Variants in ACTR3C observed in about 807,000 individuals in gnomAD.
ACTR3C encodes actin related protein 3C, also known as actin-related protein 3C.
Under a neutral mutation model 26.3 loss-of-function variants are expected in ACTR3C, and 18 were observed. The ratio of observed to expected loss-of-function variants is 0.68; its 90% confidence interval spans 0.47 to 1.01. The LOEUF is 1.01. ACTR3C is among the 50% of genes least tolerant of loss of function. The pLI is 0.00. For synonymous variants in ACTR3C, 55 were observed against 94.5 expected (o/e 0.58, Z 2.42); for missense variants, 184 against 250.7 (o/e 0.73, Z 1.80).
the ACTR3C span, among the ~76,000 whole-genome samples, chr7:149,956,378 G>A: frequency 6.6e-6 from 1 of 152,022 alleles, no homozygotes; most frequent in Non-Finnish European, 1.5e-5. Flanking sequence ...GCAACATAGT[G>A]AGACCTCATC....
At chr7:150,096,185 C>T in the ACTR3C span, among the ~76,000 whole-genome samples, 4 of 149,772 alleles carry the variant, frequency 2.7e-5, no homozygotes, top group Admixed American at 1.3e-4. Flanking sequence ...CCCTTTCCTT[C>T]ATCGAGAGTT....
chr7:149,896,779 G>A, the ACTR3C span, among the ~76,000 whole-genome samples: 5 of 151,828 alleles, frequency 3.3e-5, no homozygotes, highest in Non-Finnish European at 7.4e-5. Context: ...AGCTGCTAAG[G>A]CTGGGCGCGG....
At chr7:150,226,043 C>A in the ACTR3C span, among the ~76,000 whole-genome samples, 1 of 152,200 alleles carries the variant, frequency 6.6e-6, no homozygotes, top group African/African-American at 2.4e-5. Flanking sequence ...CCTTTTATTA[C>A]TAAATAGTAT....
At chr7:150,069,654 G>T in the ACTR3C span, among the ~76,000 whole-genome samples, 2 of 152,132 alleles carry the variant, frequency 1.3e-5, no homozygotes, top group Non-Finnish European at 2.9e-5. Flanking sequence ...GGTGGGCTGA[G>T]CTAGTAACCA....
At chr7:150,048,331 C>T in the ACTR3C span, among the ~76,000 whole-genome samples, 1 of 152,130 alleles carries the variant, frequency 6.6e-6, no homozygotes, top group Admixed American at 6.5e-5. Context: ...CCGGCCCCTC[C>T]GCCCCCTTCC....
At chr7:149,966,233 C>A in the ACTR3C span, among the ~76,000 whole-genome samples, 1 of 152,186 alleles carries the variant, frequency 6.6e-6, no homozygotes, top group African/African-American at 2.4e-5. Context: ...GTGGACCGCA[C>A]TGGAGAAACA....
chr7:149,925,013 C>T, the ACTR3C span, among the ~76,000 whole-genome samples: 5 of 151,864 alleles, frequency 3.3e-5, no homozygotes, highest in South Asian at 4.2e-4. Flanking sequence ...TAAAGCAGCA[C>T]GTTATAAAAT....
At chr7:150,006,252 A>T in the ACTR3C span, among the ~76,000 whole-genome samples, 35 of 134,120 alleles carry the variant, frequency 2.6e-4, no homozygotes, top group African/African-American at 8.5e-4. Context: ...GCTGGAGTGC[A>T]GTGGCGCAAT....
At chr7:150,076,126 C>T in the ACTR3C span, among the ~76,000 whole-genome samples, 1 of 151,792 alleles carries the variant, frequency 6.6e-6, no homozygotes, top group East Asian at 1.9e-4. Flanking sequence ...CAAAGGCATC[C>T]CTTGAAACCT....
chr7:149,897,243 G>T, the ACTR3C span, among the ~76,000 whole-genome samples: 134,458 of 152,086 alleles, frequency 0.88, 60,036 homozygotes, highest in East Asian at 1. Context: ...GACTTTTGCT[G>T]CTTCTACTGG....
the ACTR3C span, among the ~76,000 whole-genome samples, chr7:150,212,269 G>C: frequency 4.7e-5 from 7 of 147,842 alleles, no homozygotes; most frequent in Admixed American, 4.6e-4. Context: ...TTGAGGTATA[G>C]CTTTTGACTT....
At chr7:150,219,285 G>A in the ACTR3C span, among the ~76,000 whole-genome samples, 1 of 144,288 alleles carries the variant, frequency 6.9e-6, no homozygotes, top group Non-Finnish European at 1.5e-5. Flanking sequence ...CTTACATAAA[G>A]TGTACACACA....
the ACTR3C span, among the ~76,000 whole-genome samples, chr7:150,196,323 A>G: frequency 6.6e-6 from 1 of 152,148 alleles, no homozygotes; most frequent in East Asian, 1.9e-4. Flanking sequence ...TATCTGGTTC[A>G]TTTTGTAAAA....
chr7:149,980,076 T>G, the ACTR3C span, among the ~76,000 whole-genome samples: 1 of 152,196 alleles, frequency 6.6e-6, no homozygotes, highest in South Asian at 2.1e-4. Flanking sequence ...AGACAGGTCT[T>G]GACTAATTGA....
chr7:149,933,606 A>C, the ACTR3C span, among the ~76,000 whole-genome samples: 1,487 of 152,370 alleles, frequency 9.8e-3, 22 homozygotes, highest in African/African-American at 0.034. Flanking sequence ...ATTGAAGTAC[A>C]AACCCCAAAC....
the ACTR3C span, among the ~76,000 whole-genome samples, chr7:149,976,371 A>G: frequency 2.8e-4 from 42 of 152,008 alleles, no homozygotes; most frequent in African/African-American, 9.9e-4. Context: ...TCAGGAGATC[A>G]AGACCATCCT....
the ACTR3C span, among the ~76,000 whole-genome samples, chr7:150,064,565 C>CA: frequency 1.1e-3 from 154 of 139,878 alleles, 1 homozygote; most frequent in South Asian, 0.019. Flanking sequence ...GACTTGATCT[C>CA]AAAAAAAAAA....
chr7:150,057,725 C>G, the ACTR3C span, among the ~76,000 whole-genome samples: 1 of 152,192 alleles, frequency 6.6e-6, no homozygotes, highest in African/African-American at 2.4e-5. Flanking sequence ...TGACTAAAAA[C>G]AGTCTTCATG....
chr7:150,047,025 A>T, the ACTR3C span, among the ~76,000 whole-genome samples: 4 of 147,414 alleles, frequency 2.7e-5, no homozygotes, highest in African/African-American at 9.9e-5. Context: ...GTATTTTGGT[A>T]TTTTTTTTTT....
Sources: allele counts gnomAD v4.1 joint callset (sites outside exome capture counted in the v4.1 genomes callset), GRCh38; gene constraint gnomAD v4.1.1; transcripts MANE v1.5; gene names NCBI Gene and HGNC (gene_info 2026-07-23, HGNC 2026-07-21).